MAP3K15: variants seen among roughly 807,000 people sequenced by gnomAD.
The protein encoded by MAP3K15 is mitogen-activated protein kinase kinase kinase 15.
A neutral mutation model predicts 99.5 loss-of-function variants in MAP3K15; 124 were observed. The observed-to-expected ratio is 1.25, with a 90% CI of 1.08 to 1.45. The LOEUF is 1.45. MAP3K15 is among the 40% of genes most tolerant of loss of function. The pLI, the probability that MAP3K15 is intolerant of heterozygous loss-of-function variation, is 0.00. For missense variants in MAP3K15, 1,242 were observed against 1,079.7 expected (o/e 1.15, Z -2.11); for synonymous variants, 494 against 439.6 (o/e 1.12, Z -1.55).
At chrX:19,508,395 C>A (rs1602359879) in intron 1 of MAP3K15, among the ~76,000 whole-genome samples, 1 of 111,350 alleles carries the variant, frequency 9.0e-6, no homozygotes, top group Non-Finnish European at 1.9e-5. Context: ...TGGTCTCAAA[C>A]TCTTGAGCTC....
At chrX:19,507,093 T>G (rs925484179) in intron 1 of MAP3K15, among the ~76,000 whole-genome samples, 1 of 111,929 alleles carries the variant, frequency 8.9e-6, no homozygotes, top group Non-Finnish European at 1.9e-5. Flanking sequence ...AACTCAAGAA[T>G]GCTGCTAATT....
chrX:19,466,510 G>T (rs1209090184), intron 3 of MAP3K15, among the ~76,000 whole-genome samples: 1 of 111,836 alleles, frequency 8.9e-6, no homozygotes, highest in Admixed American at 9.5e-5. Flanking sequence ...TGTGAAGAAG[G>T]TATCTTGCCT....
At chrX:19,476,416 C>T (rs747230962) in intron 3 of MAP3K15, among the ~76,000 whole-genome samples, 9 of 111,719 alleles carry the variant, frequency 8.1e-5, no homozygotes, top group Admixed American at 2.8e-4. Flanking sequence ...TGAACAAATA[C>T]GGGGCAATGG....
At chrX:19,377,525 CAG>C (rs1425382069) in intron 19 of MAP3K15, among the ~76,000 whole-genome samples, 1 of 110,140 alleles carries the variant, frequency 9.1e-6, no homozygotes, top group Non-Finnish European at 1.9e-5. Context: ...GTCTGGGCGA[CAG>C]AGTGAGACTC....
intron 4 of MAP3K15, among the ~76,000 whole-genome samples, chrX:19,461,918 G>C (rs753612422): frequency 8.2e-5 from 9 of 110,285 alleles, no homozygotes; most frequent in Non-Finnish European, 1.5e-4. Flanking sequence ...TCGAACCCGG[G>C]AGGCAGAGGT....
At chrX:19,391,674 C>CAAAAAAAAAAA (rs759061873) in intron 18 of MAP3K15, among the ~76,000 whole-genome samples, 24 of 28,455 alleles carry the variant, frequency 8.4e-4, no homozygotes, top group African/African-American at 1.5e-3. Context: ...GACCCCGTCT[C>CAAAAAAAAAAA]AAAAAAAAAA....
intron 19 of MAP3K15, among the ~76,000 whole-genome samples, chrX:19,376,206 G>T (rs2063416138): frequency 9.0e-6 from 1 of 111,142 alleles, no homozygotes; most frequent in Non-Finnish European, 1.9e-5. Flanking sequence ...GAAACAACAG[G>T]TGCTTATTGT....
chrX:19,489,399 A>C, intron 1 of MAP3K15, among the ~76,000 whole-genome samples: 1 of 110,869 alleles, frequency 9.0e-6, no homozygotes, highest in Non-Finnish European at 1.9e-5. Context: ...CTGCCCAGAG[A>C]GCATTTCTGT....
chrX:19,458,246 T>G (rs184968740), intron 5 of MAP3K15, among the ~76,000 whole-genome samples: 138 of 111,958 alleles, frequency 1.2e-3, no homozygotes, highest in African/African-American at 4.4e-3. Context: ...TGGAAGGTTA[T>G]GAAAAGAAGG....
Position 19,416,724 on chromosome X carries a change from G to A in MAP3K15, c.1440-1467C>T, listed in dbSNP as rs920798878. Among the ~76,000 whole-genome samples the A allele has an allele frequency of 2.9e-4, 32 of 111,978 alleles. No homozygotes were observed. The Middle Eastern group carries it at 0.014, about 49-fold the overall frequency. Reference sequence around the variant, plus strand: ...CGTCACTGCAGTTGTCAGTGGTTGCGAAAATCCTGCACTTTTTGCAAAATA... The same window carrying A: ...CGTCACTGCAGTTGTCAGTGGTTGCAAAAATCCTGCACTTTTTGCAAAATA... On this transcript the variant is annotated intron_variant, in intron 9 of 28. Coordinates refer to ENST00000338883, the MANE Select transcript of MAP3K15 (RefSeq NM_001001671.4).
intron 4 of MAP3K15, among the ~76,000 whole-genome samples, chrX:19,460,539 C>T (rs922612459): frequency 1.4e-4 from 15 of 110,847 alleles, no homozygotes; most frequent in Admixed American, 9.7e-5. Flanking sequence ...CTCCAAAACC[C>T]ATGAAACATA....
intron 1 of MAP3K15, among the ~76,000 whole-genome samples, chrX:19,501,856 A>G (rs1473916821): frequency 8.9e-6 from 1 of 111,782 alleles, no homozygotes; most frequent in Admixed American, 9.5e-5. Flanking sequence ...ACCTGAGGTC[A>G]GGAGTTCTAG....
chrX:19,422,039 T>C (rs999329360), intron 9 of MAP3K15, among the ~76,000 whole-genome samples: 4 of 110,802 alleles, frequency 3.6e-5, no homozygotes, highest in Admixed American at 9.6e-5. Flanking sequence ...TCAAGATGGA[T>C]TAAAGACTTA....
Position 19,392,462 on chromosome X carries a change from C to G in MAP3K15, c.2206G>C (p.Ala736Pro), listed in dbSNP as rs1395454202. Reference sequence around the variant, plus strand: ...GGCCCCCATTTGGATCGCAGAAGAGCAGAAAGGCTTCCTAGAGACAGTCAC... The same window carrying G: ...GGCCCCCATTTGGATCGCAGAAGAGGAGAAAGGCTTCCTAGAGACAGTCAC... The part of the protein sequence containing the change: ...MEQVPGGSLS[A>P]LLRSKWGPMK... Residue 736 changes from alanine to proline, a missense_variant, in exon 17 of 29, where the codon GCT becomes CCT. Coordinates refer to ENST00000338883, the MANE Select transcript of MAP3K15 (RefSeq NM_001001671.4). 12 of 1,205,408 alleles carry G rather than the reference C, an allele frequency of 1.0e-5. No individual in the cohort carries two copies. The highest frequency in any genetic ancestry group is 1.2e-5 in the Non-Finnish European group (11 of 893,538).
intron 9 of MAP3K15, among the ~76,000 whole-genome samples, chrX:19,418,121 A>G (rs1347108025): frequency 8.9e-6 from 1 of 112,201 alleles, no homozygotes; most frequent in Non-Finnish European, 1.9e-5. Flanking sequence ...TGGAAACTCT[A>G]AAAATCAGAG....
At chrX:19,505,937 T>C (rs1472009879) in intron 1 of MAP3K15, among the ~76,000 whole-genome samples, 8 of 109,020 alleles carry the variant, frequency 7.3e-5, no homozygotes, top group Non-Finnish European at 1.5e-4. Flanking sequence ...TTGTTTGTTT[T>C]GTTTTTAATT....
intron 13 of MAP3K15, among the ~76,000 whole-genome samples, chrX:19,403,460 C>CTTTTTTTTTTT (rs144389481): frequency 1.1e-5 from 1 of 87,002 alleles, no homozygotes; most frequent in African/African-American, 4.6e-5. Context: ...TTATTCTATT[C>CTTTTTTTTTTT]TTTTTTTTTT....
chrX:19,461,503 T>C (rs1383894611), intron 4 of MAP3K15, among the ~76,000 whole-genome samples: 4 of 112,853 alleles, frequency 3.5e-5, no homozygotes, highest in Non-Finnish European at 5.6e-5. Context: ...CGCTGGAATA[T>C]CACCATAGTC....
In MAP3K15 at chrX:19,380,143, C is replaced by T. The variant is rs370530366; in HGVS notation, c.2566G>A (p.Glu856Lys). The T allele has an allele frequency of 2.3e-5, 28 of 1,195,882 alleles. No individual in the cohort carries two copies. Among genetic ancestry groups the T allele is most frequent in the Non-Finnish European group, 3.0e-5 (27 of 889,250 alleles). The change falls in exon 19 of 29, where the codon GAG becomes AAG. Residue 856 changes from glutamate (E) to lysine (K), a missense_variant. Physicochemically the swap from Glu to Lys is moderately conservative, Grantham distance 56 (BLOSUM62 1). Coordinates refer to ENST00000338883, the MANE Select transcript of MAP3K15 (RefSeq NM_001001671.4). ...ACTTTGAACATGGCTGCCTGCGGCT[C>T]ACCAAGCTCATGGAACGGAGGCTTG... is the stretch of plus-strand genomic sequence containing the variant. ...TSKPPFHELG[E>K]PQAAMFKVGM...
Sources: allele counts gnomAD v4.1 joint callset (sites outside exome capture counted in the v4.1 genomes callset), GRCh38; gene constraint gnomAD v4.1.1; transcripts MANE v1.5; gene names NCBI Gene and HGNC (gene_info 2026-07-23, HGNC 2026-07-21).